PRRC2B: variants seen among roughly 807,000 people sequenced by gnomAD.
PRRC2B encodes the protein protein PRRC2B.
In PRRC2B, 68 loss-of-function variants were observed where a neutral mutation model predicts 242.3. The observed-to-expected ratio is 0.28, with a 90% CI of 0.23 to 0.34. The LOEUF is 0.34. Ranked by LOEUF, PRRC2B falls within the 10% of genes least tolerant of loss-of-function variation. The probability of loss-of-function intolerance (pLI) is 1.00; values close to 1 mark genes in which losing one functional copy is unlikely to be tolerated. For synonymous variants in PRRC2B, 1,228 were observed against 1,173.6 expected, an observed-to-expected ratio of 1.05 and a Z score of -0.95; for missense variants, 2,835 against 2,954.8, an observed-to-expected ratio of 0.96 and a Z score of 0.94.
At chr9:131,414,454 TA>T (rs1294218865) in intron 1 of PRRC2B, among the ~76,000 whole-genome samples, 1 of 119,040 alleles carries the variant, frequency 8.4e-6, no homozygotes, top group East Asian at 3.0e-4. Flanking sequence ...CAATCAATAC[TA>T]ATTTGTAATT....
At chr9:131,495,253 T>G (rs1588286754) in intron 31 of PRRC2B, among the ~76,000 whole-genome samples, 2 of 146,350 alleles carry the variant, frequency 1.4e-5, no homozygotes, top group Admixed American at 6.7e-5. Flanking sequence ...GGTTACAGAG[T>G]GGGAATGGTG....
chr9:131,388,992 C>T (rs997091287), intron 1 of PRRC2B, among the ~76,000 whole-genome samples: 2 of 148,856 alleles, frequency 1.3e-5, no homozygotes, highest in East Asian at 2.0e-4. Flanking sequence ...AAGTGCATGC[C>T]GCCACTCCTG....
chr9:131,489,846 G>A (rs1175104432), intron 28 of PRRC2B, among the ~76,000 whole-genome samples: 1 of 147,898 alleles, frequency 6.8e-6, no homozygotes, highest in East Asian at 2.1e-4. Flanking sequence ...CCGTAATCCC[G>A]CCCCCCACAC....
At chr9:131,489,099 G>T (rs1490017530) in intron 28 of PRRC2B, among the ~76,000 whole-genome samples, 1 of 151,766 alleles carries the variant, frequency 6.6e-6, no homozygotes, top group East Asian at 1.9e-4. Context: ...TGTGGCTCTC[G>T]CATAATCTCA....
At chr9:131,404,247 CAG>C (rs1350203962) in intron 1 of PRRC2B, among the ~76,000 whole-genome samples, 5 of 133,566 alleles carry the variant, frequency 3.7e-5, no homozygotes, top group African/African-American at 1.1e-4. Flanking sequence ...GTGGTGGGGA[CAG>C]AGTTTTGCTT....
At position 131,475,059 on chromosome 9, in the gene PRRC2B, A is replaced by AG; in HGVS notation, c.2932dup (p.Glu978GlyfsTer10). 6.2e-7 allele frequency: 1 copy of AG among 1,610,924 alleles called. No homozygotes were observed. The highest frequency in any genetic ancestry group is 8.5e-7 in the Non-Finnish European group (1 of 1,178,504). On this transcript the variant is annotated frameshift_variant, in exon 16 of 32. Transcript: ENST00000683519. LOFTEE classifies it high-confidence loss of function. ...GAGAGTACCCGGCTGGCCAAGGAGA[A>AG]GGAGCAGAGCCCCACGGCAGAAAAG...
chr9:131,409,464 G>A (rs1837451199), intron 1 of PRRC2B, among the ~76,000 whole-genome samples: 1 of 152,256 alleles, frequency 6.6e-6, no homozygotes, highest in Non-Finnish European at 1.5e-5. Context: ...GATTATAGGT[G>A]TGAGCCACTG....
chr9:131,434,211 A>G, intron 3 of PRRC2B, among the ~76,000 whole-genome samples: 1 of 152,206 alleles, frequency 6.6e-6, no homozygotes. Flanking sequence ...ATTCCATTCA[A>G]ATGGTACTCA....
In PRRC2B at chr9:131,494,226, G is replaced by A. The variant is rs562324095; in HGVS notation, c.6474-179G>A. Among the ~76,000 whole-genome samples, 578 of 152,344 alleles carry A rather than the reference G, an allele frequency of 3.8e-3. 3 individuals carry two copies. Among genetic ancestry groups the A allele is most frequent in the Middle Eastern group, 0.01 (3 of 294 alleles). On this transcript the variant is annotated intron_variant, in intron 30 of 31. Coordinates refer to ENST00000683519, the MANE Select transcript of PRRC2B (RefSeq NM_013318.4). This position sits in a 1 kb window ranked among gnomAD's most constrained non-coding sequence, Gnocchi z 4.3. Reference sequence around the variant, plus strand: ...GACAGCCACCCCCTCACCCTTCTGCGTTCTGGGCTGTCTTAGGTCTGTGGT... The same window carrying A: ...GACAGCCACCCCCTCACCCTTCTGCATTCTGGGCTGTCTTAGGTCTGTGGT...
At chr9:131,439,602 T>G (rs1314038514) in intron 5 of PRRC2B, among the ~76,000 whole-genome samples, 1 of 152,190 alleles carries the variant, frequency 6.6e-6, no homozygotes, top group Admixed American at 6.5e-5. Flanking sequence ...CATCCTTCGT[T>G]ACCTGAACCT....
intron 1 of PRRC2B, among the ~76,000 whole-genome samples, chr9:131,378,309 CAA>C (rs761589088): frequency 3.9e-4 from 23 of 58,576 alleles, no homozygotes; most frequent in Non-Finnish European, 5.1e-4. Flanking sequence ...AACTCTGTCT[CAA>C]AAAAAAAAAA....
At chr9:131,467,976 C>T (rs990804101) in intron 13 of PRRC2B, among the ~76,000 whole-genome samples, 4 of 152,186 alleles carry the variant, frequency 2.6e-5, no homozygotes, top group Admixed American at 6.5e-5. Flanking sequence ...GTGGAGGTCC[C>T]TGGGAATGAA....
At chr9:131,456,386 C>T (rs1564289564) in intron 10 of PRRC2B, among the ~76,000 whole-genome samples, 1 of 152,016 alleles carries the variant, frequency 6.6e-6, no homozygotes, top group Non-Finnish European at 1.5e-5. Context: ...AATCCTAGCA[C>T]TTTGGGAGGC....
At chr9:131,410,052 AG>A (rs1464130413) in intron 1 of PRRC2B, among the ~76,000 whole-genome samples, 7 of 152,170 alleles carry the variant, frequency 4.6e-5, no homozygotes, top group Admixed American at 4.6e-4. Context: ...CCAGAGAGGG[AG>A]GCCTTTGTAT....
At chr9:131,476,946 A>G (rs951543998) in intron 16 of PRRC2B, among the ~76,000 whole-genome samples, 1 of 152,172 alleles carries the variant, frequency 6.6e-6, no homozygotes, top group Non-Finnish European at 1.5e-5. Flanking sequence ...TCGTGGCTGC[A>G]TGGAAGTGGC....
Position 131,432,721 on chromosome 9 carries a change from G to A in PRRC2B, c.220G>A (p.Asp74Asn), listed in dbSNP as rs754670682. The change falls in exon 3 of 32, where the codon GAC (aspartate) becomes AAC (asparagine). Residue 74 changes from aspartate (D) to asparagine (N), a missense_variant. Around this residue, in one of 7 missense-constraint regions of PRRC2B, gnomAD observed 626 missense variants for 685.5 expected, o/e 0.91. Transcript: ENST00000683519. ...CTTGAAGTCTGAAAACAAAGGAAAC[G>A]ACCCCAACATCGTGATAGTACCCAA... ...PSLKSENKGN[D>N]PNIVIVPKDG... The A allele has an allele frequency of 3.1e-6, 5 of 1,614,006 alleles. No individual in the cohort carries two copies. The Admixed American group carries it at 5.0e-5, about 16-fold the overall frequency.
At chr9:131,415,667 G>A (rs1317214946) in intron 1 of PRRC2B, among the ~76,000 whole-genome samples, 36 of 152,198 alleles carry the variant, frequency 2.4e-4, no homozygotes, top group Admixed American at 2.4e-3. Flanking sequence ...TCCTAGAGAG[G>A]ATGGTGATAC....
rs753819884 is a variant in PRRC2B, at chr9:131,496,239, A to G, written c.*365A>G. ...AGCAGTGCTTCCGGCCCAGCCGCCC[A>G]TCCCTAGGCACAGTGATTTGGCAGC... On this transcript the variant is annotated 3_prime_UTR_variant, in exon 32 of 32. Coordinates refer to ENST00000683519, the MANE Select transcript of PRRC2B (RefSeq NM_013318.4). The G allele has an allele frequency of 2.5e-5, 5 of 200,828 alleles. No individual in the cohort carries two copies. The highest frequency in any genetic ancestry group is 4.0e-5 in the Non-Finnish European group (4 of 100,282). The allele number at this position is 200,828 out of a possible 1,614,324, so 12.4% of individuals were successfully genotyped here.
chr9:131,434,737 G>T (rs567616065), intron 3 of PRRC2B, among the ~76,000 whole-genome samples: 1 of 152,150 alleles, frequency 6.6e-6, no homozygotes, highest in Non-Finnish European at 1.5e-5. Flanking sequence ...TCCCACCAGG[G>T]GGGTGGCTGC....
Sources: gnomAD v4.1 joint callset for allele counts (sites outside exome capture counted in the v4.1 genomes callset) on GRCh38, gnomAD v4.1.1 for gene constraint, gnomAD v4.1.1 regional missense constraint, Gnocchi (gnomAD v3.1) non-coding constraint, MANE v1.5 for transcripts, NCBI Gene and HGNC (gene_info 2026-07-23, HGNC 2026-07-21) for gene names.